ABR: variants seen among roughly 807,000 people sequenced by gnomAD.
The protein encoded by ABR is active breakpoint cluster region-related protein.
ABR carries 35 observed loss-of-function variants against 107.2 expected under a neutral mutation model. The observed-to-expected ratio is 0.33, with a 90% confidence interval of 0.25 to 0.43. ABR has a LOEUF of 0.43. ABR is among the 20% of genes least tolerant of loss of function. The pLI, the probability that ABR is intolerant of heterozygous loss-of-function variation, is 1.00. For missense variants in ABR, 815 were observed against 1,115.2 expected, an observed-to-expected ratio of 0.73 and a Z score of 3.83; for synonymous variants, 498 against 462.0, an observed-to-expected ratio of 1.08 and a Z score of -1.00.
chr17:1,106,406 G>A (rs1417091097), intron 2 of ABR, among the ~76,000 whole-genome samples: 1 of 139,454 alleles, frequency 7.2e-6, no homozygotes, highest in Non-Finnish European at 1.5e-5. Context: ...GTATCATCCA[G>A]AAATGACCCT....
At chr17:1,174,415 A>G (rs1298687040) in intron 1 of ABR, among the ~76,000 whole-genome samples, 1 of 152,124 alleles carries the variant, frequency 6.6e-6, no homozygotes, top group Non-Finnish European at 1.5e-5. Context: ...GATCAAACGC[A>G]CACAGGCTGT....
intron 1 of ABR, among the ~76,000 whole-genome samples, chr17:1,135,314 C>T (rs903301964): frequency 6.6e-6 from 1 of 151,928 alleles, no homozygotes; most frequent in Non-Finnish European, 1.5e-5. Flanking sequence ...CCTCTGCAGG[C>T]TCTTGCCGGC....
At chr17:1,060,425 G>T (rs1039693172) in intron 10 of ABR, among the ~76,000 whole-genome samples, 3 of 151,904 alleles carry the variant, frequency 2.0e-5, no homozygotes, top group Admixed American at 6.6e-5. Context: ...GAAAGAAAAA[G>T]AATCTGATAC....
chr17:1,076,199 C>A (rs142800389), intron 6 of ABR, among the ~76,000 whole-genome samples: 1 of 152,320 alleles, frequency 6.6e-6, no homozygotes, highest in African/African-American at 2.4e-5. Context: ...ACCCGGCCAA[C>A]CACTGGTTTA....
chr17:1,098,878 C>T (rs1208634872), intron 3 of ABR, among the ~76,000 whole-genome samples: 1 of 152,190 alleles, frequency 6.6e-6, no homozygotes, highest in Admixed American at 6.5e-5. Flanking sequence ...CTCCACCTCC[C>T]GGGTTCAAGC....
chr17:1,158,734 G>A (rs571338311), intron 1 of ABR, among the ~76,000 whole-genome samples: 4 of 152,010 alleles, frequency 2.6e-5, no homozygotes, highest in African/African-American at 9.6e-5. Flanking sequence ...CTGCACTCCA[G>A]CCTGGGTGAC....
At chr17:1,131,346 A>G (rs2589480) in intron 1 of ABR, among the ~76,000 whole-genome samples, 6 of 21,126 alleles carry the variant, frequency 2.8e-4, no homozygotes, top group Admixed American at 8.3e-4. Context: ...CCTGACACGC[A>G]CACAGCTCCC....
chr17:1,169,560 C>G (rs1402277251), intron 1 of ABR, among the ~76,000 whole-genome samples: 2 of 152,196 alleles, frequency 1.3e-5, no homozygotes, highest in African/African-American at 2.4e-5. Context: ...GTAAGCCCCC[C>G]AGACACAGGC....
chr17:1,109,357 C>T (rs1247042874), intron 2 of ABR, among the ~76,000 whole-genome samples: 9 of 151,922 alleles, frequency 5.9e-5, no homozygotes, highest in Non-Finnish European at 2.9e-5. Context: ...AGCCCAGCGC[C>T]CTCCTCCGTG....
At chr17:1,143,528 TG>T (rs1315765733) in intron 1 of ABR, among the ~76,000 whole-genome samples, 4 of 93,810 alleles carry the variant, frequency 4.3e-5, no homozygotes, top group Non-Finnish European at 6.8e-5. Context: ...AGCTCGCTCC[TG>T]GGGGACAGCT....
intron 16 of ABR, among the ~76,000 whole-genome samples, chr17:1,024,612 C>T (rs2072021184): frequency 6.6e-6 from 1 of 151,930 alleles, no homozygotes; most frequent in Non-Finnish European, 1.5e-5. Context: ...ATAACGAAAC[C>T]TCGTCTTTAC....
chr17:1,179,777 C>A lies in ABR; in HGVS notation c.-50G>T, dbSNP rs1208846742. 2.5e-6 allele frequency: 2 copies of A among 795,234 alleles called. No individual in the cohort carries two copies. Among genetic ancestry groups the A allele is most frequent in the Non-Finnish European group, 1.9e-6 (1 of 530,012 alleles). The allele number at this position is 795,234 out of a possible 1,614,324, so 49.3% of individuals were successfully genotyped here. A position where few individuals can be genotyped will look rare whatever the true frequency, so the allele number is the denominator to read the frequency against. On this transcript the variant is annotated 5_prime_UTR_variant, in exon 1 of 23. Coordinates refer to ENST00000302538, the MANE Select transcript of ABR (RefSeq NM_021962.5). The surrounding 1 kb of genome is among the most constrained non-coding windows in gnomAD (Gnocchi z 4.9). ...CCGAAACCCGACCCTCATCGCGCAACAAAGGAGGGAGAGCGGGCGGGAGCC... is the reference window on the plus strand; with the variant it reads ...CCGAAACCCGACCCTCATCGCGCAAAAAAGGAGGGAGAGCGGGCGGGAGCC...
intron 3 of ABR, among the ~76,000 whole-genome samples, chr17:1,100,387 GTT>G (rs2037784055): frequency 6.6e-6 from 1 of 152,238 alleles, no homozygotes; most frequent in African/African-American, 2.4e-5. Flanking sequence ...TGACAGGTGT[GTT>G]TGCCATCTCT....
intron 6 of ABR, chr17:1,079,003 G>C (rs1228680362): frequency 1.5e-6 from 2 of 1,353,220 alleles, no homozygotes; most frequent in Admixed American, 4.9e-5. Context: ...TGCTCTTCCA[G>C]CAAGGGGGAG....
At chr17:1,177,769 C>G (rs770373154) in intron 1 of ABR, 1 of 152,222 alleles carries the variant, frequency 6.6e-6, no homozygotes, top group Non-Finnish European at 1.5e-5. Context: ...ATTGTTATGA[C>G]GGCTGTTTGC....
At chr17:1,014,831 G>A (rs947716621) in intron 16 of ABR, among the ~76,000 whole-genome samples, 1 of 152,104 alleles carries the variant, frequency 6.6e-6, no homozygotes, top group Non-Finnish European at 1.5e-5. Flanking sequence ...GGGCGACAGA[G>A]TGAGACTCCG....
intron 6 of ABR, among the ~76,000 whole-genome samples, chr17:1,074,313 G>A (rs149191496): frequency 0.017 from 2,561 of 147,372 alleles, 64 homozygotes; most frequent in African/African-American, 0.062. Flanking sequence ...GCCATGCCCT[G>A]CAGAGTCTAG....
At chr17:1,193,525 G>A (rs1477965136) in intron 1 of ABR, among the ~76,000 whole-genome samples, 2 of 152,154 alleles carry the variant, frequency 1.3e-5, no homozygotes, top group African/African-American at 2.4e-5. Flanking sequence ...GTCTGGCTCG[G>A]TCCAGAGCAA....
At chr17:1,129,536 A>G (rs1345086650) in intron 1 of ABR, among the ~76,000 whole-genome samples, 1 of 152,102 alleles carries the variant, frequency 6.6e-6, no homozygotes, top group Non-Finnish European at 1.5e-5. Context: ...CGTCTCAAAA[A>G]AACAAAAACA....
Sources: allele counts gnomAD v4.1 joint callset (sites outside exome capture counted in the v4.1 genomes callset), GRCh38; gene constraint gnomAD v4.1.1; non-coding constraint Gnocchi (gnomAD v3.1); transcripts MANE v1.5; gene names NCBI Gene and HGNC (gene_info 2026-07-23, HGNC 2026-07-21).